MBOAT1: variants seen among roughly 807,000 people sequenced by gnomAD.
MBOAT1 encodes the protein membrane bound glycerophospholipid O-acyltransferase 1, also known as membrane-bound glycerophospholipid O-acyltransferase 1.
Under a neutral mutation model 64.4 loss-of-function variants are expected in MBOAT1, and 67 were observed. The observed-to-expected ratio is 1.04, with a 90% confidence interval of 0.85 to 1.27. The LOEUF is 1.27. Ranked by LOEUF, MBOAT1 falls within the 50% of genes most tolerant of loss-of-function variation. The pLI is 0.00. For synonymous variants in MBOAT1, 229 were observed against 218.9 expected, an observed-to-expected ratio of 1.05 and a Z score of -0.41; for missense variants, 563 against 604.6, an observed-to-expected ratio of 0.93 and a Z score of 0.72.
chr6:20,103,546 C>T (rs1759863774), intron 12 of MBOAT1, among the ~76,000 whole-genome samples: 1 of 152,020 alleles, frequency 6.6e-6, no homozygotes, highest in Non-Finnish European at 1.5e-5. Context: ...ATTCTCCTGC[C>T]TCAGCCTTCC....
At chr6:20,204,849 C>T (rs984588261) in intron 1 of MBOAT1, among the ~76,000 whole-genome samples, 1 of 152,212 alleles carries the variant, frequency 6.6e-6, no homozygotes, top group African/African-American at 2.4e-5. Context: ...GCCTCTGCCC[C>T]TTCCCAGCTA....
At chr6:20,185,341 A>G (rs1055955343) in intron 1 of MBOAT1, among the ~76,000 whole-genome samples, 1 of 152,180 alleles carries the variant, frequency 6.6e-6, no homozygotes, top group Admixed American at 6.5e-5. Flanking sequence ...TTGGTCAAAC[A>G]TTATTCTAGA....
chr6:20,120,100 G>A (rs1415315465), intron 8 of MBOAT1, among the ~76,000 whole-genome samples: 2 of 151,896 alleles, frequency 1.3e-5, no homozygotes, highest in Admixed American at 1.3e-4. Context: ...TCCTAACAGT[G>A]TTGAGACAGA....
Position 20,144,248 on chromosome 6 carries a change from A to G in MBOAT1, c.391T>C (p.Tyr131His). 13 of 1,612,770 alleles carry G rather than the reference A, an allele frequency of 8.1e-6. No individual in the cohort carries two copies. The highest frequency in any genetic ancestry group is 1.1e-5 in the Non-Finnish European group (13 of 1,179,170). ...CHISRIYIFHYGILTTDFSGP... is the reference protein window; with the variant it reads ...CHISRIYIFHHGILTTDFSGP... ...GAAAAATCCGTAGTGAGAATTCCAT[A>G]GTGGAAGATGTATATTCGGCTGATG... The change falls in exon 4 of 13, where the codon TAT (tyrosine) becomes CAT (histidine). Residue 131 changes from tyrosine to histidine, a missense_variant. Transcript: ENST00000324607.
intron 1 of MBOAT1, among the ~76,000 whole-genome samples, chr6:20,171,279 G>A (rs1561774617): frequency 6.6e-6 from 1 of 151,294 alleles, no homozygotes; most frequent in Non-Finnish European, 1.5e-5. Flanking sequence ...GCTCATGCCT[G>A]TAATTCCAGC....
Position 20,131,052 on chromosome 6 carries a change from G to A in MBOAT1, c.475+92C>T. On this transcript the variant is annotated intron_variant, in intron 5 of 12. Transcript: ENST00000324607. ...GATAAAGCAAGATCTGCCAGCATTTGTCTAAACTTTGGACTGTGTACATAG... is the reference window on the plus strand; with the variant it reads ...GATAAAGCAAGATCTGCCAGCATTTATCTAAACTTTGGACTGTGTACATAG... 2.7e-6 allele frequency: 3 copies of A among 1,119,828 alleles called. No homozygotes were observed. The East Asian group carries it at 7.2e-5, about 27-fold the overall frequency. 69.4% of individuals were successfully genotyped at this position (1,119,828 alleles called of 1,614,324 possible).
At chr6:20,124,668 G>A (rs2113649208) in intron 7 of MBOAT1, 68 bp from the exon 8 acceptor site, 4 of 1,474,866 alleles carry the variant, frequency 2.7e-6, no homozygotes, top group South Asian at 1.2e-5. Flanking sequence ...GCTTTGGAAT[G>A]GACCTGTTAA....
At position 20,131,159 on chromosome 6, in the gene MBOAT1, A is replaced by G; in HGVS notation, c.460T>C (p.Phe154Leu). Reference protein sequence around the residue: ...IVTQKITTLAFQVHDGLGRRA... With the variant: ...IVTQKITTLALQVHDGLGRRA... ...CTGTTCTTACCATCATGAACCTGGA[A>G]TGCCAAGGTTGTGATCTTCTGAGTG... is the stretch of plus-strand genomic sequence containing the variant. The change falls in exon 5 of 13, where the codon TTC becomes CTC. Residue 154 changes from phenylalanine to leucine, a missense_variant. Transcript: ENST00000324607. 1 of 1,613,908 alleles carries G rather than the reference A, an allele frequency of 6.2e-7. No individual in the cohort carries two copies. The highest frequency in any genetic ancestry group is 8.5e-7 in the Non-Finnish European group (1 of 1,179,790).
At chr6:20,191,071 T>G (rs894525659) in intron 1 of MBOAT1, among the ~76,000 whole-genome samples, 1 of 152,232 alleles carries the variant, frequency 6.6e-6, no homozygotes, top group Admixed American at 6.5e-5. Flanking sequence ...AATATGTCCC[T>G]CAAAAGTTCA....
intron 1 of MBOAT1, among the ~76,000 whole-genome samples, chr6:20,179,025 A>G (rs1263176733): frequency 1.3e-5 from 2 of 151,956 alleles, no homozygotes; most frequent in African/African-American, 4.8e-5. Flanking sequence ...GATTTGCTGC[A>G]CAGACCATCC....
chr6:20,163,954 T>G (rs983133479), intron 1 of MBOAT1, among the ~76,000 whole-genome samples: 1 of 152,090 alleles, frequency 6.6e-6, no homozygotes, highest in Non-Finnish European at 1.5e-5. Context: ...TTTACAACCT[T>G]GACCGGGGCC....
At chr6:20,169,008 T>G (rs1370434179) in intron 1 of MBOAT1, among the ~76,000 whole-genome samples, 1 of 152,174 alleles carries the variant, frequency 6.6e-6, no homozygotes, top group African/African-American at 2.4e-5. Context: ...CAACAACCTA[T>G]GTTGTCTCCT....
intron 4 of MBOAT1, among the ~76,000 whole-genome samples, chr6:20,135,557 C>A (rs1236489715): frequency 6.6e-6 from 1 of 152,058 alleles, no homozygotes. Context: ...ATCTTTGGAC[C>A]TAAAGTGGTA....
chr6:20,128,698 C>A lies in MBOAT1; in HGVS notation c.530+1G>T. On this transcript the variant is annotated splice_donor_variant, in intron 6 of 12. Transcript: ENST00000324607. LOFTEE classifies it high-confidence loss of function. ...TTAATATATCGTTACACTTCACTTACTTGATAGCAAGTCGATGTTGTTCAG... is the reference window on the plus strand; with the variant it reads ...TTAATATATCGTTACACTTCACTTAATTGATAGCAAGTCGATGTTGTTCAG... 6.2e-7 allele frequency: 1 copy of A among 1,608,536 alleles called. No individual in the cohort carries two copies. Among genetic ancestry groups the A allele is most frequent in the Non-Finnish European group, 8.5e-7 (1 of 1,177,776 alleles).
At chr6:20,165,718 G>A (rs143219624) in intron 1 of MBOAT1, among the ~76,000 whole-genome samples, 1 of 148,164 alleles carries the variant, frequency 6.7e-6, no homozygotes, top group Admixed American at 6.8e-5. Flanking sequence ...ACTCCAGCCT[G>A]AGCAACAGAG....
chr6:20,166,164 C>T (rs1320405591), intron 1 of MBOAT1, among the ~76,000 whole-genome samples: 2 of 152,028 alleles, frequency 1.3e-5, no homozygotes, highest in African/African-American at 4.8e-5. Flanking sequence ...TTATCATAAC[C>T]ATGGTATAAA....
At chr6:20,103,933 C>G (rs1759877698) in intron 12 of MBOAT1, among the ~76,000 whole-genome samples, 1 of 152,182 alleles carries the variant, frequency 6.6e-6, no homozygotes, top group South Asian at 2.1e-4. Context: ...TTCACATTCA[C>G]TCACCACTCA....
chr6:20,189,418 C>A (rs551456186), intron 1 of MBOAT1, among the ~76,000 whole-genome samples: 6 of 152,072 alleles, frequency 3.9e-5, no homozygotes, highest in Non-Finnish European at 7.4e-5. Flanking sequence ...GAGACAGGGT[C>A]TCACTATGTT....
intron 2 of MBOAT1, among the ~76,000 whole-genome samples, chr6:20,152,133 C>A (rs1329941091): frequency 6.6e-6 from 1 of 151,710 alleles, no homozygotes; most frequent in East Asian, 1.9e-4. Context: ...CCAGCCTGGG[C>A]AACACGGTGA....
Sources: allele counts gnomAD v4.1 joint callset (sites outside exome capture counted in the v4.1 genomes callset), GRCh38; gene constraint gnomAD v4.1.1; transcripts MANE v1.5; gene names NCBI Gene and HGNC (gene_info 2026-07-23, HGNC 2026-07-21).